CACNB3: variants seen among roughly 807,000 people sequenced by gnomAD.
CACNB3 encodes voltage-dependent L-type calcium channel subunit beta-3.
A neutral mutation model predicts 63.7 loss-of-function variants in CACNB3; 36 were observed. That is an observed-to-expected ratio of 0.57 (90% CI 0.43 to 0.75). The LOEUF (loss-of-function observed/expected upper bound fraction) is 0.75, where lower values mean the gene tolerates loss of function less well. Among genes scored for constraint, CACNB3 ranks in the 30% least tolerant of loss-of-function variants. The pLI, the probability that CACNB3 is intolerant of heterozygous loss-of-function variation, is 0.00. For missense variants in CACNB3, 493 were observed against 648.6 expected, an observed-to-expected ratio of 0.76 and a Z score of 2.61; for synonymous variants, 241 against 250.6, an observed-to-expected ratio of 0.96 and a Z score of 0.36.
rs971183272 is a variant in CACNB3, at chr12:48,818,737, G to A, written c.-193G>A. On this transcript the variant is annotated 5_prime_UTR_variant, in exon 1 of 13. Transcript: ENST00000301050. This position sits in a 1 kb window ranked among gnomAD's most constrained non-coding sequence, Gnocchi z 4.3. ...CTGGGTTTGGGGGGGTGGGGTGGGG[G>A]GAGCGGTGATCTGAGCTCCGAGCAG... 3 of 1,304,082 alleles carry A rather than the reference G, an allele frequency of 2.3e-6. No homozygotes were observed. The highest frequency in any genetic ancestry group is 1.6e-5 in the African/African-American group (1 of 63,656). 80.8% of individuals were successfully genotyped at this position (1,304,082 alleles called of 1,614,324 possible).
At chr12:48,819,460 C>T (rs985469805) in intron 1 of CACNB3, among the ~76,000 whole-genome samples, 1 of 152,190 alleles carries the variant, frequency 6.6e-6, no homozygotes, top group Admixed American at 6.5e-5. Flanking sequence ...GGGCCAACCT[C>T]TTCAGACAGA....
At chr12:48,819,762 G>A in intron 1 of CACNB3, 1 of 426,662 alleles carries the variant, frequency 2.3e-6, no homozygotes, top group Non-Finnish European at 4.7e-6. Flanking sequence ...AGAGAAACAG[G>A]CAACCGATAA....
In CACNB3 at chr12:48,828,124, A is replaced by G. The variant is rs970804119; in HGVS notation, c.*225A>G. ...CCCCTACTAGGCTCCCATTCCAGGT[A>G]CTAGCTGTGTGTTCTGCACCCCTGG... On this transcript the variant is annotated 3_prime_UTR_variant, in exon 13 of 13. Transcript: ENST00000301050. 1.0e-5 allele frequency: 6 copies of G among 587,890 alleles called. No homozygotes were observed. The East Asian group carries it at 1.7e-4, about 17-fold the overall frequency. 36.4% of individuals were successfully genotyped at this position (587,890 alleles called of 1,614,324 possible).
upstream of CACNB3, chr12:48,816,871 A>G: frequency 1.0e-6 from 1 of 985,514 alleles, no homozygotes; most frequent in Non-Finnish European, 1.2e-6. Flanking sequence ...TTTCTTCACT[A>G]GAGCCATCTC....
upstream of CACNB3, among the ~76,000 whole-genome samples, chr12:48,814,705 T>A (rs904999482): frequency 2.0e-5 from 3 of 152,148 alleles, no homozygotes; most frequent in Non-Finnish European, 4.4e-5. The surrounding 1 kb of genome is among the most constrained non-coding windows in gnomAD (Gnocchi z 6.9). Context: ...GGGTTCGTCC[T>A]GGGCTTGGGC....
Position 48,818,895 on chromosome 12 carries a change from C to G in CACNB3, c.-35C>G. The stretch of plus-strand genomic sequence containing the variant: ...CCCTGCCTCCGGGCCGCTCCCGCCC[C>G]CGGCGCCGCTCGCTCCCCCGACCCG... On this transcript the variant is annotated 5_prime_UTR_variant, in exon 1 of 13. Coordinates refer to ENST00000301050, the MANE Select transcript of CACNB3 (RefSeq NM_000725.4). This position sits in a 1 kb window ranked among gnomAD's most constrained non-coding sequence, Gnocchi z 4.3. 2 of 1,549,952 alleles carry G rather than the reference C, an allele frequency of 1.3e-6. No individual in the cohort carries two copies. Among genetic ancestry groups the G allele is most frequent in the Non-Finnish European group, 1.7e-6 (2 of 1,147,642 alleles).
At chr12:48,816,707 A>C (rs1378053322), upstream of CACNB3, among the ~76,000 whole-genome samples, 1 of 152,230 alleles carries the variant, frequency 6.6e-6, no homozygotes, top group East Asian at 1.9e-4. Flanking sequence ...TTGTCGCAGG[A>C]GATTACAAGG....
chr12:48,824,508 C>G, intron 4 of CACNB3, 135 bp downstream of exon 4: 3 of 1,033,416 alleles, frequency 2.9e-6, no homozygotes, highest in Non-Finnish European at 4.3e-6. Context: ...TCTACACACT[C>G]AACACTAAAC....
At chr12:48,816,745 C>G (rs1487449186), upstream of CACNB3, 1 of 584,826 alleles carries the variant, frequency 1.7e-6, no homozygotes, top group Non-Finnish European at 2.2e-6. Flanking sequence ...CTGCCGATGG[C>G]AGATCCGCTG....
In CACNB3 at chr12:48,826,596, C is replaced by G. The variant is rs1400588409; in HGVS notation, c.894+78C>G. On this transcript the variant is annotated intron_variant, in intron 10 of 12. Coordinates refer to ENST00000301050, the MANE Select transcript of CACNB3 (RefSeq NM_000725.4). The surrounding 1 kb of genome is among the most constrained non-coding windows in gnomAD (Gnocchi z 4.8). ...TGGCATGATTCTACTTGGTCCCTGC[C>G]TGGGGCACCTGAGTTCCCTTTTCCT... 6.4e-7 allele frequency: 1 copy of G among 1,572,048 alleles called. No individual in the cohort carries two copies. The highest frequency in any genetic ancestry group is 2.2e-5 in the East Asian group (1 of 44,506).
At chr12:48,816,701 C>A (rs748235141), upstream of CACNB3, among the ~76,000 whole-genome samples, 1 of 152,192 alleles carries the variant, frequency 6.6e-6, no homozygotes, top group Middle Eastern at 3.2e-3. Context: ...ACAACCTTGT[C>A]GCAGGAGATT....
chr12:48,826,619 C>T lies in CACNB3; in HGVS notation c.894+101C>T. 6.7e-7 allele frequency: 1 copy of T among 1,495,702 alleles called. No individual in the cohort carries two copies. The highest frequency in any genetic ancestry group is 9.3e-7 in the Non-Finnish European group (1 of 1,077,366). 92.7% of individuals were successfully genotyped at this position (1,495,702 alleles called of 1,614,324 possible). ...GCCTGGGGCACCTGAGTTCCCTTTT[C>T]CTGCTGCCCTTAACACAACTCTGAG... On this transcript the variant is annotated intron_variant, in intron 10 of 12. Transcript: ENST00000301050. The surrounding 1 kb of genome is among the most constrained non-coding windows in gnomAD (Gnocchi z 4.8).
chr12:48,822,209 T>A (rs183814571), intron 1 of CACNB3, among the ~76,000 whole-genome samples: 1 of 152,242 alleles, frequency 6.6e-6, no homozygotes, highest in East Asian at 1.9e-4. Context: ...GAAGTATCAC[T>A]TGAGGCTTCT....
rs768438729 is a variant in CACNB3 at position 48,825,019 on chromosome 12, G to A, written c.492+51G>A. On this transcript the variant is annotated intron_variant, in intron 6 of 12. Coordinates refer to ENST00000301050, the MANE Select transcript of CACNB3 (RefSeq NM_000725.4). This position sits in a 1 kb window ranked among gnomAD's most constrained non-coding sequence, Gnocchi z 4.5. ...GGGGGGATCATGGCTTATGGCTCTG[G>A]GGACAGTGTTCTAGGCAGTCATTGT... is the stretch of plus-strand genomic sequence containing the variant. The A allele has an allele frequency of 1.9e-6, 3 of 1,574,970 alleles. No homozygotes were observed. Among genetic ancestry groups the A allele is most frequent in the Non-Finnish European group, 2.6e-6 (3 of 1,163,912 alleles).
At chr12:48,824,049 T>C in intron 3 of CACNB3, 1 of 662,920 alleles carries the variant, frequency 1.5e-6, no homozygotes, top group East Asian at 2.7e-5. Flanking sequence ...GCCTCCGAGG[T>C]CCCCTGTGAC....
chr12:48,828,469 G>A lies in CACNB3; in HGVS notation c.*570G>A, dbSNP rs1565672764. The A allele has an allele frequency of 8.5e-6, 3 of 351,644 alleles. No individual in the cohort carries two copies. Among genetic ancestry groups the A allele is most frequent in the Non-Finnish European group, 1.1e-5 (2 of 177,712 alleles). The allele number at this position is 351,644 out of a possible 1,614,324, so 21.8% of individuals were successfully genotyped here. On this transcript the variant is annotated 3_prime_UTR_variant, in exon 13 of 13. Transcript: ENST00000301050. Reference sequence around the variant, plus strand: ...GGTGTGGCAGCCACATCCAAGACTGGAGCAGCAGGCTGGCCACGCTCGGGC... The same window carrying A: ...GGTGTGGCAGCCACATCCAAGACTGAAGCAGCAGGCTGGCCACGCTCGGGC...
Position 48,827,712 on chromosome 12 carries a change from G to T in CACNB3, c.1268G>T (p.Arg423Leu). 6.2e-7 allele frequency: 1 copy of T among 1,614,050 alleles called. No individual in the cohort carries two copies. The highest frequency in any genetic ancestry group is 8.5e-7 in the Non-Finnish European group (1 of 1,180,002). ...ACAGGATCTTCACAGCGTAGCTCCC[G>T]CCACCTGGAGGAGGACTATGCAGAT... Reference protein sequence around the residue: ...AWTGSSQRSSRHLEEDYADAY... With the variant: ...AWTGSSQRSSLHLEEDYADAY... The change falls in exon 13 of 13, where the codon CGC (arginine) becomes CTC (leucine). Residue 423 changes from arginine (R) to leucine (L), a missense_variant. Physicochemically the swap from Arg to Leu is moderately radical, Grantham distance 102. Transcript: ENST00000301050.
upstream of CACNB3, among the ~76,000 whole-genome samples, chr12:48,817,660 CTGAG>C (rs1942317545): frequency 6.6e-6 from 1 of 152,180 alleles, no homozygotes; most frequent in African/African-American, 2.4e-5. Flanking sequence ...GTAAAGGAGA[CTGAG>C]TGGTGCAGAG....
upstream of CACNB3, chr12:48,816,844 G>C (rs1942299167): frequency 1.0e-6 from 1 of 985,498 alleles, no homozygotes; most frequent in Non-Finnish European, 1.2e-6. Flanking sequence ...AAGAGAAACA[G>C]CTGCCTCCAC....
Sources: gnomAD v4.1 joint callset for allele counts (sites outside exome capture counted in the v4.1 genomes callset) on GRCh38, gnomAD v4.1.1 for gene constraint, Gnocchi (gnomAD v3.1) non-coding constraint, MANE v1.5 for transcripts, NCBI Gene and HGNC (gene_info 2026-07-23, HGNC 2026-07-21) for gene names.